The following PTPRD variants were observed in gnomAD, a reference collection of about 807,000 sequenced individuals.
PTPRD encodes the protein receptor-type tyrosine-protein phosphatase delta.
In PTPRD, 34 loss-of-function variants were observed where a neutral mutation model predicts 214.5. The observed-to-expected ratio is 0.16, with a 90% confidence interval of 0.12 to 0.21. The LOEUF (loss-of-function observed/expected upper bound fraction) is 0.21, where lower values mean the gene tolerates loss of function less well. Among genes scored for constraint, PTPRD ranks in the 10% least tolerant of loss-of-function variants. The probability of loss-of-function intolerance (pLI) is 1.00; values close to 1 mark genes in which losing one functional copy is unlikely to be tolerated. For missense variants in PTPRD, 2,545 were observed against 2,398.7 expected (o/e 1.06, Z -1.27); for synonymous variants, 1,128 against 845.7 (o/e 1.33, Z -5.79).
intron 2 of PTPRD, among the ~76,000 whole-genome samples, chr9:10,581,523 A>G (rs1173755513): frequency 2.6e-5 from 4 of 152,190 alleles, no homozygotes; most frequent in Non-Finnish European, 5.9e-5. Context: ...ATATTCAAAG[A>G]GTGATGAGAC....
chr9:10,022,888 G>T (rs2096850957), intron 4 of PTPRD, among the ~76,000 whole-genome samples: 1 of 152,086 alleles, frequency 6.6e-6, no homozygotes, highest in Non-Finnish European at 1.5e-5. Context: ...TTGTAATTAG[G>T]TTGTTCCTTT....
At chr9:9,878,748 C>G (rs1300794215) in intron 5 of PTPRD, among the ~76,000 whole-genome samples, 1 of 152,156 alleles carries the variant, frequency 6.6e-6, no homozygotes, top group Non-Finnish European at 1.5e-5. Flanking sequence ...TAGATACTTC[C>G]TGCCTTAACT....
At chr9:9,267,811 G>T (rs1447074857) in intron 9 of PTPRD, among the ~76,000 whole-genome samples, 2 of 150,578 alleles carry the variant, frequency 1.3e-5, no homozygotes, top group African/African-American at 4.9e-5. Context: ...AAAAGCATTT[G>T]ACAAAATTGA....
chr9:8,650,325 T>A (rs1314802730), intron 12 of PTPRD, among the ~76,000 whole-genome samples: 1 of 151,596 alleles, frequency 6.6e-6, no homozygotes, highest in African/African-American at 2.4e-5. Flanking sequence ...AGGTTAGGAG[T>A]TTGAGACCAG....
chr9:9,870,836 A>G (rs1317779567), intron 5 of PTPRD, among the ~76,000 whole-genome samples: 2 of 152,134 alleles, frequency 1.3e-5, no homozygotes, highest in Non-Finnish European at 2.9e-5. Flanking sequence ...TAGTGTTGAA[A>G]TATCTTAACA....
intron 11 of PTPRD, among the ~76,000 whole-genome samples, chr9:8,828,797 C>T (rs989154344): frequency 6.6e-6 from 1 of 152,156 alleles, no homozygotes; most frequent in Non-Finnish European, 1.5e-5. Context: ...AACAGAATAA[C>T]ATTAAATACT....
At chr9:10,054,883 C>G (rs928989449) in intron 3 of PTPRD, among the ~76,000 whole-genome samples, 1 of 151,848 alleles carries the variant, frequency 6.6e-6, no homozygotes. Context: ...GTCCTCATAC[C>G]CTGTGTGATG....
At chr9:10,436,036 T>A (rs1179783140) in intron 2 of PTPRD, among the ~76,000 whole-genome samples, 1 of 151,836 alleles carries the variant, frequency 6.6e-6, no homozygotes, top group Non-Finnish European at 1.5e-5. Context: ...ATTAAAGCGG[T>A]ATAACACAAA....
chr9:9,737,179 G>T, intron 6 of PTPRD, among the ~76,000 whole-genome samples: 1 of 152,070 alleles, frequency 6.6e-6, no homozygotes, highest in East Asian at 1.9e-4. Context: ...TACAATATTA[G>T]TCATGAATTC....
At chr9:9,393,204 T>TGATAGAC (rs1555346436) in intron 9 of PTPRD, among the ~76,000 whole-genome samples, 2 of 151,970 alleles carry the variant, frequency 1.3e-5, no homozygotes, top group African/African-American at 4.8e-5. Context: ...ACATCTGGTG[T>TGATAGAC]GATAGACTGA....
intron 3 of PTPRD, among the ~76,000 whole-genome samples, chr9:10,076,674 G>A (rs1309886434): frequency 6.6e-6 from 1 of 152,100 alleles, no homozygotes; most frequent in Non-Finnish European, 1.5e-5. Flanking sequence ...TACTCATGGG[G>A]TCCCAACCCT....
At chr9:8,480,024 C>T (rs1328674260) in intron 30 of PTPRD, among the ~76,000 whole-genome samples, 1 of 152,106 alleles carries the variant, frequency 6.6e-6, no homozygotes, top group Non-Finnish European at 1.5e-5. Flanking sequence ...CAGTACTCAC[C>T]CCATTATATT....
At chr9:9,402,541 C>T (rs1176550137) in intron 8 of PTPRD, among the ~76,000 whole-genome samples, 1 of 151,940 alleles carries the variant, frequency 6.6e-6, no homozygotes, top group African/African-American at 2.4e-5. Context: ...ATATAAAATC[C>T]TGTTAAGTAC....
At chr9:8,321,969 C>A (rs574551367) in intron 44 of PTPRD, among the ~76,000 whole-genome samples, 1 of 152,124 alleles carries the variant, frequency 6.6e-6, no homozygotes, top group East Asian at 1.9e-4. Context: ...TTTGGTAATT[C>A]TTGTAATATT....
At chr9:9,879,634 T>A (rs10122130) in intron 5 of PTPRD, among the ~76,000 whole-genome samples, 1 of 152,136 alleles carries the variant, frequency 6.6e-6, no homozygotes, top group Non-Finnish European at 1.5e-5. Context: ...ACCAGGAATA[T>A]ACTGACTAAA....
chr9:8,646,639 A>G (rs1465128335), intron 12 of PTPRD, among the ~76,000 whole-genome samples: 1 of 152,160 alleles, frequency 6.6e-6, no homozygotes, highest in East Asian at 1.9e-4. Context: ...CCCCATCTAG[A>G]TGAAATGTAC....
At chr9:9,071,019 T>C (rs2099742905) in intron 10 of PTPRD, among the ~76,000 whole-genome samples, 1 of 152,078 alleles carries the variant, frequency 6.6e-6, no homozygotes. Context: ...GCCCAAGTGA[T>C]CCTCCCACCT....
intron 2 of PTPRD, among the ~76,000 whole-genome samples, chr9:10,436,035 G>A (rs915717929): frequency 7.2e-5 from 11 of 151,800 alleles, no homozygotes; most frequent in African/African-American, 2.7e-4. Context: ...GATTAAAGCG[G>A]TATAACACAA....
At chr9:8,367,815 T>C (rs2080342877) in intron 39 of PTPRD, among the ~76,000 whole-genome samples, 1 of 152,182 alleles carries the variant, frequency 6.6e-6, no homozygotes, top group African/African-American at 2.4e-5. Flanking sequence ...ACTGTAAACA[T>C]TTGTTGACTT....
Sources: allele counts gnomAD v4.1 joint callset (sites outside exome capture counted in the v4.1 genomes callset), GRCh38; gene constraint gnomAD v4.1.1; transcripts MANE v1.5; gene names NCBI Gene and HGNC (gene_info 2026-07-23, HGNC 2026-07-21).